TENM2: variants seen among roughly 807,000 people sequenced by gnomAD.
The protein encoded by TENM2 is teneurin transmembrane protein 2.
Under a neutral mutation model 245.2 loss-of-function variants are expected in TENM2, and 52 were observed. The observed-to-expected ratio is 0.21, with a 90% CI of 0.17 to 0.27. TENM2 has a LOEUF of 0.27. Ranked by LOEUF, TENM2 falls within the 10% of genes least tolerant of loss-of-function variation. The probability of loss-of-function intolerance (pLI) is 1.00; values close to 1 mark genes in which losing one functional copy is unlikely to be tolerated. For missense variants in TENM2, 3,046 were observed against 3,666.8 expected (o/e 0.83, Z 4.37); for synonymous variants, 1,363 against 1,438.9 (o/e 0.95, Z 1.19).
chr5:168,227,626 C>G (rs60525746), intron 24 of TENM2, among the ~76,000 whole-genome samples: 57 of 150,700 alleles, frequency 3.8e-4, no homozygotes, highest in African/African-American at 1.1e-3. Context: ...TTTAAACGTG[C>G]TATTAATAGT....
the TENM2 span, among the ~76,000 whole-genome samples, chr5:167,021,214 C>A: frequency 6.6e-6 from 1 of 152,144 alleles, no homozygotes; most frequent in African/African-American, 2.4e-5. Context: ...TGCCTTATAA[C>A]CTTTCACATA....
At position 168,065,002 on chromosome 5, in the gene TENM2, C is replaced by T. The variant is rs376084784; in HGVS notation, c.1515+2737C>T. On this transcript the variant is annotated intron_variant, in intron 7 of 28. Transcript: ENST00000518659. ...GCTCTTTGCGGGGATAGGCGACTGACGTCTCGAACTATTATAGAATTTCTC... is the reference window on the plus strand; with the variant it reads ...GCTCTTTGCGGGGATAGGCGACTGATGTCTCGAACTATTATAGAATTTCTC... Among the ~76,000 whole-genome samples, 45 of 152,276 alleles carry T rather than the reference C, an allele frequency of 3.0e-4. No individual in the cohort carries two copies. The East Asian group carries it at 7.5e-3, about 25-fold the overall frequency.
chr5:167,259,099 C>A, the TENM2 span, among the ~76,000 whole-genome samples: 1 of 152,100 alleles, frequency 6.6e-6, no homozygotes, highest in South Asian at 2.1e-4. Context: ...CTAACAAATG[C>A]ACAGGTAATG....
At chr5:167,485,362 T>C (rs897208242) in intron 2 of TENM2, among the ~76,000 whole-genome samples, 1 of 152,222 alleles carries the variant, frequency 6.6e-6, no homozygotes, top group African/African-American at 2.4e-5. Flanking sequence ...TTATAGCTTT[T>C]ACTTATTTTG....
At chr5:166,982,942 A>T in the TENM2 span, among the ~76,000 whole-genome samples, 2 of 152,062 alleles carry the variant, frequency 1.3e-5, no homozygotes, top group Admixed American at 1.3e-4. Flanking sequence ...ATTTGCTGAG[A>T]GCAAATAGCA....
intron 2 of TENM2, among the ~76,000 whole-genome samples, chr5:167,453,154 C>A (rs1273761592): frequency 6.6e-6 from 1 of 151,208 alleles, no homozygotes; most frequent in Non-Finnish European, 1.5e-5. Flanking sequence ...TATATTGTAA[C>A]TGCCTTTGGA....
chr5:168,262,901 A>G, exon 29 of TENM2: 1 of 1,293,128 alleles, frequency 7.7e-7, no homozygotes, highest in Non-Finnish European at 1.1e-6. Flanking sequence ...TAACAGGGGC[A>G]CTGCGGCTGG....
chr5:167,998,898 T>C, intron 5 of TENM2, among the ~76,000 whole-genome samples: 1 of 152,170 alleles, frequency 6.6e-6, no homozygotes, highest in East Asian at 1.9e-4. Context: ...AGAGATTATT[T>C]TCTATGGAAA....
the TENM2 span, among the ~76,000 whole-genome samples, chr5:166,987,980 T>A: frequency 6.6e-6 from 1 of 152,198 alleles, no homozygotes; most frequent in East Asian, 1.9e-4. Flanking sequence ...CAAAACTTAT[T>A]CACACTCTTA....
At chr5:167,291,407 A>G (rs2127719900) in intron 1 of TENM2, among the ~76,000 whole-genome samples, 1 of 152,308 alleles carries the variant, frequency 6.6e-6, no homozygotes, top group East Asian at 1.9e-4. Context: ...ATCATCTCTC[A>G]CAAGATTCTC....
chr5:167,127,960 T>C, the TENM2 span, among the ~76,000 whole-genome samples: 1 of 152,014 alleles, frequency 6.6e-6, no homozygotes, highest in African/African-American at 2.4e-5. Flanking sequence ...CTCAACCCCC[T>C]CACCCTGTGG....
At position 168,178,592 on chromosome 5, in the gene TENM2, C is replaced by T. The variant is rs1309625963; in HGVS notation, c.2570-11745C>T. Reference sequence around the variant, plus strand: ...ATTTCTGATCAAATGAGATGATTCCCAGAGGCCCTTTCTGGGTTGAGAGTC... The same window carrying T: ...ATTTCTGATCAAATGAGATGATTCCTAGAGGCCCTTTCTGGGTTGAGAGTC... On this transcript the variant is annotated intron_variant, in intron 13 of 28. Transcript: ENST00000518659. 5.3e-5 allele frequency among the ~76,000 whole-genome samples: 8 copies of T among 151,998 alleles called. No individual in the cohort carries two copies. The South Asian group carries it at 1.0e-3, about 20-fold the overall frequency.
At chr5:167,958,097 C>T (rs990425605) in intron 4 of TENM2, among the ~76,000 whole-genome samples, 8 of 152,032 alleles carry the variant, frequency 5.3e-5, no homozygotes, top group Admixed American at 2.0e-4. Flanking sequence ...ATTATTATTG[C>T]GTGGGAGTCT....
chr5:167,184,951 T>C, the TENM2 span, among the ~76,000 whole-genome samples: 3 of 152,228 alleles, frequency 2.0e-5, no homozygotes, highest in Non-Finnish European at 4.4e-5. Context: ...CCCTCGCATG[T>C]GCAGTTCACA....
intron 12 of TENM2, among the ~76,000 whole-genome samples, chr5:168,147,427 G>T (rs781319063): frequency 9.2e-5 from 14 of 152,100 alleles, no homozygotes; most frequent in Admixed American, 6.5e-5. Flanking sequence ...TCCTGAACTT[G>T]GAAGGCCTGT....
At chr5:167,678,107 A>G (rs1756457316) in intron 2 of TENM2, among the ~76,000 whole-genome samples, 1 of 152,162 alleles carries the variant, frequency 6.6e-6, no homozygotes, top group Non-Finnish European at 1.5e-5. Flanking sequence ...AGATTTTAAT[A>G]CATATGCAAA....
At chr5:167,000,937 A>C in the TENM2 span, among the ~76,000 whole-genome samples, 1 of 152,098 alleles carries the variant, frequency 6.6e-6, no homozygotes, top group East Asian at 1.9e-4. Flanking sequence ...ATTTTCTAAA[A>C]ATTTTGTCTG....
At chr5:168,025,189 G>C (rs1270300625) in intron 5 of TENM2, among the ~76,000 whole-genome samples, 1 of 152,168 alleles carries the variant, frequency 6.6e-6, no homozygotes, top group Non-Finnish European at 1.5e-5. Context: ...GTATTGGGAG[G>C]TTCTGTTTTG....
chr5:167,606,977 AG>A (rs1777100013), intron 2 of TENM2, among the ~76,000 whole-genome samples: 1 of 152,312 alleles, frequency 6.6e-6, no homozygotes, highest in African/African-American at 2.4e-5. Context: ...GTTTTCTGGT[AG>A]CCTTGAATTG....
Sources: gnomAD v4.1 joint callset for allele counts (sites outside exome capture counted in the v4.1 genomes callset) on GRCh38, gnomAD v4.1.1 for gene constraint, MANE v1.5 for transcripts, NCBI Gene and HGNC (gene_info 2026-07-23, HGNC 2026-07-21) for gene names.